NKAIN2: variants seen among roughly 807,000 people sequenced by gnomAD.
NKAIN2 encodes the protein sodium/potassium-transporting ATPase subunit beta-1-interacting protein 2.
NKAIN2 carries 14 observed loss-of-function variants against 32.6 expected under a neutral mutation model. That is an observed-to-expected ratio of 0.43 (90% CI 0.28 to 0.67). NKAIN2 has a LOEUF of 0.67. Ranked by LOEUF, NKAIN2 falls within the 30% of genes least tolerant of loss-of-function variation. The probability of loss-of-function intolerance (pLI) is 0.17; values close to 1 mark genes in which losing one functional copy is unlikely to be tolerated. For missense variants in NKAIN2, 198 were observed against 258.3 expected (o/e 0.77, Z 1.60); for synonymous variants, 80 against 87.2 (o/e 0.92, Z 0.46).
At chr6:124,199,312 T>C (rs1790491510) in intron 1 of NKAIN2, among the ~76,000 whole-genome samples, 1 of 152,170 alleles carries the variant, frequency 6.6e-6, no homozygotes, top group Non-Finnish European at 1.5e-5. Context: ...CGGTGTAATC[T>C]TTTAAAGAAT....
chr6:124,469,019 C>T (rs1395875241), intron 3 of NKAIN2, among the ~76,000 whole-genome samples: 1 of 152,158 alleles, frequency 6.6e-6, no homozygotes, highest in Non-Finnish European at 1.5e-5. Flanking sequence ...CAATTCTGCC[C>T]TTTGGGGACA....
At chr6:124,728,816 C>A (rs1776476818) in intron 4 of NKAIN2, among the ~76,000 whole-genome samples, 1 of 150,834 alleles carries the variant, frequency 6.6e-6, no homozygotes, top group African/African-American at 2.4e-5. Flanking sequence ...GCTAGCAAGA[C>A]TAATAAAGAA....
At chr6:123,946,423 T>C (rs747155545) in intron 1 of NKAIN2, among the ~76,000 whole-genome samples, 5 of 152,180 alleles carry the variant, frequency 3.3e-5, no homozygotes, top group Non-Finnish European at 7.4e-5. Context: ...TTAAATCTAA[T>C]TTTACATGGA....
chr6:123,865,562 G>A (rs918703108), intron 1 of NKAIN2, among the ~76,000 whole-genome samples: 4 of 151,918 alleles, frequency 2.6e-5, no homozygotes, highest in African/African-American at 7.3e-5. Context: ...TTTGTTATAT[G>A]TTTTATTCTA....
At chr6:124,577,493 C>A (rs1307559919) in intron 3 of NKAIN2, among the ~76,000 whole-genome samples, 2 of 152,162 alleles carry the variant, frequency 1.3e-5, no homozygotes, top group East Asian at 3.9e-4. Flanking sequence ...AGCCAGCACT[C>A]ACAGAGGAAG....
chr6:124,581,466 A>G (rs1010965438), intron 3 of NKAIN2, among the ~76,000 whole-genome samples: 1 of 151,212 alleles, frequency 6.6e-6, no homozygotes, highest in Non-Finnish European at 1.5e-5. Context: ...AAAAAAAAAA[A>G]AAAAGAAACA....
chr6:124,143,164 T>TA (rs1787224569), intron 1 of NKAIN2, among the ~76,000 whole-genome samples: 1 of 152,132 alleles, frequency 6.6e-6, no homozygotes, highest in Non-Finnish European at 1.5e-5. Context: ...TTTTTAAAGT[T>TA]AAAAAAATGT....
At chr6:124,388,408 T>C (rs1773004238) in intron 3 of NKAIN2, among the ~76,000 whole-genome samples, 1 of 147,458 alleles carries the variant, frequency 6.8e-6, no homozygotes, top group African/African-American at 2.4e-5. Flanking sequence ...TCAGAGTCTT[T>C]GATTTAACTG....
chr6:123,822,324 G>T (rs185963592), intron 1 of NKAIN2, among the ~76,000 whole-genome samples: 2 of 151,932 alleles, frequency 1.3e-5, no homozygotes, highest in Non-Finnish European at 2.9e-5. Flanking sequence ...TTTGCTATTC[G>T]TCTTTAAGTT....
intron 1 of NKAIN2, among the ~76,000 whole-genome samples, chr6:124,199,042 A>G (rs1030258646): frequency 1.3e-5 from 2 of 152,210 alleles, no homozygotes; most frequent in Non-Finnish European, 2.9e-5. Context: ...TTGAAGCAAC[A>G]TTCCTTTATA....
rs556488838 is a variant in NKAIN2, at chr6:124,625,215, G to A, written c.274-32971G>A. On this transcript the variant is annotated intron_variant, in intron 3 of 6. Transcript: ENST00000368417. ...TATGAACATAAATTGTGAAGTGATA[G>A]TTGAGTATAATTTCCTTTTTCCCTG... 4.6e-5 allele frequency among the ~76,000 whole-genome samples: 7 copies of A among 152,210 alleles called. No homozygotes were observed. The South Asian group carries it at 1.2e-3, about 27-fold the overall frequency.
At chr6:124,522,451 T>C (rs1405540536) in intron 3 of NKAIN2, among the ~76,000 whole-genome samples, 2 of 152,196 alleles carry the variant, frequency 1.3e-5, no homozygotes, top group African/African-American at 4.8e-5. Flanking sequence ...GTATCAATAA[T>C]TAGTTTTAGA....
intron 3 of NKAIN2, among the ~76,000 whole-genome samples, chr6:124,502,426 CG>C (rs1562224558): frequency 2.0e-5 from 3 of 152,176 alleles, no homozygotes; most frequent in African/African-American, 7.2e-5. Flanking sequence ...CAACCACTCA[CG>C]ATCAATTTCT....
At chr6:124,646,823 T>C (rs189261203) in intron 3 of NKAIN2, among the ~76,000 whole-genome samples, 321 of 152,126 alleles carry the variant, frequency 2.1e-3, no homozygotes, top group Admixed American at 3.2e-3. Context: ...TGGTGGTGCA[T>C]GCCTGTAAAC....
At chr6:124,764,285 A>G (rs771855898) in intron 4 of NKAIN2, among the ~76,000 whole-genome samples, 2 of 152,216 alleles carry the variant, frequency 1.3e-5, no homozygotes, top group South Asian at 2.1e-4. Flanking sequence ...GAAAACCTTG[A>G]AAGTTTTTTA....
intron 4 of NKAIN2, among the ~76,000 whole-genome samples, chr6:124,779,380 G>GAAGGAAGGAAGGAAGT (rs1172376022): frequency 7.0e-6 from 1 of 143,846 alleles, no homozygotes; most frequent in Non-Finnish European, 1.5e-5. Flanking sequence ...AGGAAGGAAG[G>GAAGGAAGGAAGGAAGT]AAGTCCTCCT....
chr6:124,563,923 C>G (rs1780801055), intron 3 of NKAIN2, among the ~76,000 whole-genome samples: 1 of 152,204 alleles, frequency 6.6e-6, no homozygotes, highest in Non-Finnish European at 1.5e-5. Flanking sequence ...GGCGGGAATG[C>G]AGCGAGTCAT....
chr6:123,949,184 A>C (rs1431879072), intron 1 of NKAIN2, among the ~76,000 whole-genome samples: 1 of 151,892 alleles, frequency 6.6e-6, no homozygotes, highest in African/African-American at 2.4e-5. Flanking sequence ...TATTTTCAAA[A>C]AGAATAAAGA....
chr6:124,431,136 C>T (rs1278792264), intron 3 of NKAIN2, among the ~76,000 whole-genome samples: 1 of 152,148 alleles, frequency 6.6e-6, no homozygotes, highest in Non-Finnish European at 1.5e-5. Flanking sequence ...GATTGCGATG[C>T]CCATTCTGAC....
Sources: allele counts gnomAD v4.1 joint callset (sites outside exome capture counted in the v4.1 genomes callset), GRCh38; gene constraint gnomAD v4.1.1; transcripts MANE v1.5; gene names NCBI Gene and HGNC (gene_info 2026-07-23, HGNC 2026-07-21).